Variants in CENPP observed in about 807,000 individuals in gnomAD.
CENPP encodes the protein centromere protein P.
CENPP carries 24 observed loss-of-function variants against 35.6 expected under a neutral mutation model. That is an observed-to-expected ratio of 0.67 (90% CI 0.49 to 0.95). The LOEUF (loss-of-function observed/expected upper bound fraction) is 0.95, where lower values mean the gene tolerates loss of function less well. CENPP is among the 40% of genes least tolerant of loss of function. The pLI, the probability that CENPP is intolerant of heterozygous loss-of-function variation, is 0.00. For synonymous variants in CENPP, 120 were observed against 125.5 expected, an observed-to-expected ratio of 0.96 and a Z score of 0.29; for missense variants, 332 against 345.3, an observed-to-expected ratio of 0.96 and a Z score of 0.31.
intron 5 of CENPP, among the ~76,000 whole-genome samples, chr9:92,527,361 T>A (rs866214738): frequency 9.9e-5 from 15 of 152,236 alleles, no homozygotes; most frequent in East Asian, 3.9e-4. Context: ...TGCCTACAGT[T>A]TTCAGTACAG....
intron 4 of CENPP, among the ~76,000 whole-genome samples, chr9:92,349,462 A>C (rs1841389093): frequency 6.8e-6 from 1 of 148,140 alleles, no homozygotes; most frequent in Non-Finnish European, 1.5e-5. Context: ...GGAGTGCTGT[A>C]GTATGATATC....
intron 5 of CENPP, among the ~76,000 whole-genome samples, chr9:92,547,891 A>G (rs78268276): frequency 0.04 from 6,068 of 152,294 alleles, 185 homozygotes; most frequent in South Asian, 0.099. Context: ...AGTGATGCCC[A>G]CTGAAGGCCC....
chr9:92,416,751 G>A (rs1276941926), intron 5 of CENPP: 7 of 1,613,482 alleles, frequency 4.3e-6, no homozygotes, highest in Admixed American at 1.7e-5. Context: ...GGGATGTCTT[G>A]TAGTTTGTTG....
At chr9:92,543,471 C>CA (rs71362401) in intron 5 of CENPP, among the ~76,000 whole-genome samples, 912 of 44,524 alleles carry the variant, frequency 0.02, 110 homozygotes, top group East Asian at 0.048. Context: ...AACCCTGTCT[C>CA]AAAAAAAAAA....
At chr9:92,502,564 T>C in intron 5 of CENPP, 3 of 1,612,664 alleles carry the variant, frequency 1.9e-6, no homozygotes, top group East Asian at 2.2e-5. Flanking sequence ...AATTTTGTTA[T>C]AACGTAGTAC....
chr9:92,533,306 A>C (rs916434852), intron 5 of CENPP, among the ~76,000 whole-genome samples: 6 of 43,026 alleles, frequency 1.4e-4, no homozygotes, highest in Admixed American at 4.6e-4. Context: ...TCTCAAACAA[A>C]AAAAAAAAAA....
At chr9:92,387,039 C>T (rs1842453851) in intron 5 of CENPP, among the ~76,000 whole-genome samples, 1 of 128,346 alleles carries the variant, frequency 7.8e-6, no homozygotes, top group African/African-American at 3.0e-5. Flanking sequence ...CAGAGCGAGA[C>T]TCTGTCTCAA....
intron 5 of CENPP, among the ~76,000 whole-genome samples, chr9:92,461,040 AC>A (rs1209391956): frequency 6.6e-6 from 1 of 152,230 alleles, no homozygotes; most frequent in Non-Finnish European, 1.5e-5. Flanking sequence ...TAAAATAGTA[AC>A]TAGTATTATG....
At chr9:92,567,373 G>GATATATATAGATATATATAT (rs1849998550) in intron 5 of CENPP, among the ~76,000 whole-genome samples, 1 of 129,090 alleles carries the variant, frequency 7.7e-6, no homozygotes, top group Non-Finnish European at 1.6e-5. Context: ...ACATAAGATA[G>GATATATATAGATATATATAT]ATATATATAT....
chr9:92,547,402 A>G (rs1204476755), intron 5 of CENPP, among the ~76,000 whole-genome samples: 1 of 152,252 alleles, frequency 6.6e-6, no homozygotes, highest in Non-Finnish European at 1.5e-5. Flanking sequence ...GAAACAGCCT[A>G]AATGTTTGTC....
At chr9:92,505,502 C>A in intron 5 of CENPP, 1 of 1,529,646 alleles carries the variant, frequency 6.5e-7, no homozygotes, top group Admixed American at 2.1e-5. Context: ...AAATATAATA[C>A]ATTTAAAACA....
Position 92,385,721 on chromosome 9 carries a change from G to A in CENPP, c.564+5862G>A, listed in dbSNP as rs375943971. 14 of 1,613,880 alleles carry A rather than the reference G, an allele frequency of 8.7e-6. No homozygotes were observed. The highest frequency in any genetic ancestry group is 2.7e-5 in the African/African-American group (2 of 74,896). ...CCCTCCAGGCGTATCTCTTCAATGC[G>A]GTCCCGGATGTAACTGGTGTCATTA... is the stretch of plus-strand genomic sequence containing the variant. On this transcript the variant is annotated intron_variant, in intron 5 of 7. Coordinates refer to ENST00000375587, the MANE Select transcript of CENPP (RefSeq NM_001012267.3).
chr9:92,514,323 A>G (rs1847548333), intron 5 of CENPP, among the ~76,000 whole-genome samples: 1 of 146,844 alleles, frequency 6.8e-6, no homozygotes, highest in African/African-American at 2.5e-5. Flanking sequence ...TGCCCAGGCT[A>G]GAGAACAGTG....
intron 5 of CENPP, among the ~76,000 whole-genome samples, chr9:92,532,046 A>G (rs1273842912): frequency 2.3e-5 from 1 of 43,700 alleles, no homozygotes; most frequent in Admixed American, 1.9e-4. Flanking sequence ...TTTTTTTTTG[A>G]GATGAGGTCT....
intron 5 of CENPP, among the ~76,000 whole-genome samples, chr9:92,409,619 T>C (rs751005874): frequency 3.3e-5 from 5 of 152,218 alleles, no homozygotes; most frequent in Non-Finnish European, 7.3e-5. Flanking sequence ...AAATTTCCTT[T>C]CTAAAAGTTA....
chr9:92,402,940 T>C (rs1843177591), intron 5 of CENPP, among the ~76,000 whole-genome samples: 1 of 152,222 alleles, frequency 6.6e-6, no homozygotes, highest in African/African-American at 2.4e-5. Flanking sequence ...TGTGTAACAT[T>C]ACTTAATATA....
At position 92,385,772 on chromosome 9, in the gene CENPP, T is replaced by C. The variant is rs149681015; in HGVS notation, c.564+5913T>C. ...GCCTTGCAGAATGTGTCATCTGTAA[T>C]TGAAGCTATGTTGTTGAACTGAAAA... On this transcript the variant is annotated intron_variant, in intron 5 of 7. Transcript: ENST00000375587. 323 of 1,614,134 alleles carry C rather than the reference T, an allele frequency of 2.0e-4. No individual in the cohort carries two copies. In the Middle Eastern group the frequency reaches 5.3e-3, roughly 26 times the overall value.
At chr9:92,335,796 G>A (rs1334413980) in intron 2 of CENPP, among the ~76,000 whole-genome samples, 1 of 152,158 alleles carries the variant, frequency 6.6e-6, no homozygotes, top group Non-Finnish European at 1.5e-5. Context: ...TAGCTTTATA[G>A]TAAGTCTCTA....
At chr9:92,329,082 C>G (rs372555318) in intron 1 of CENPP, among the ~76,000 whole-genome samples, 3 of 151,822 alleles carry the variant, frequency 2.0e-5, no homozygotes, top group Non-Finnish European at 4.4e-5. Flanking sequence ...TGACTTGGTT[C>G]TCTTACCACT....
Sources: allele counts gnomAD v4.1 joint callset (sites outside exome capture counted in the v4.1 genomes callset), GRCh38; gene constraint gnomAD v4.1.1; transcripts MANE v1.5; gene names NCBI Gene and HGNC (gene_info 2026-07-23, HGNC 2026-07-21).